SLC24A2: variants seen among roughly 807,000 people sequenced by gnomAD.
SLC24A2 encodes the protein solute carrier family 24 member 2, also known as sodium/potassium/calcium exchanger 2.
A neutral mutation model predicts 62.0 loss-of-function variants in SLC24A2; 36 were observed. The observed-to-expected ratio is 0.58, with a 90% confidence interval of 0.44 to 0.77. The LOEUF is 0.77. SLC24A2 is among the 30% of genes least tolerant of loss of function. The probability of loss-of-function intolerance (pLI) is 0.00; values close to 1 mark genes in which losing one functional copy is unlikely to be tolerated. For synonymous variants in SLC24A2, 358 were observed against 294.0 expected (o/e 1.22, Z -2.23); for missense variants, 846 against 817.9 (o/e 1.03, Z -0.42).
the SLC24A2 span, among the ~76,000 whole-genome samples, chr9:20,293,239 AC>A: frequency 6.5e-4 from 99 of 152,242 alleles, no homozygotes; most frequent in Non-Finnish European, 8.7e-4. Flanking sequence ...TAGGACTTCA[AC>A]ATATCTTTTT....
chr9:20,159,662 G>A, the SLC24A2 span, among the ~76,000 whole-genome samples: 2 of 151,386 alleles, frequency 1.3e-5, no homozygotes, highest in African/African-American at 4.8e-5. Context: ...TCCTTGTATA[G>A]GGAATAGGTG....
the SLC24A2 span, among the ~76,000 whole-genome samples, chr9:20,068,766 C>A: frequency 6.6e-6 from 1 of 152,114 alleles, no homozygotes; most frequent in African/African-American, 2.4e-5. Flanking sequence ...AAGGAGGTAG[C>A]AATGGCCATG....
chr9:19,547,234 AG>A (rs1422321794), intron 8 of SLC24A2, among the ~76,000 whole-genome samples: 1 of 152,212 alleles, frequency 6.6e-6, no homozygotes, highest in African/African-American at 2.4e-5. Context: ...CAGAGTACTC[AG>A]AAAAACAAAA....
At chr9:19,921,039 T>C in the SLC24A2 span, among the ~76,000 whole-genome samples, 2 of 144,184 alleles carry the variant, frequency 1.4e-5, no homozygotes, top group Admixed American at 7.0e-5. Context: ...TTTAGAATAA[T>C]GTTGACTCAT....
the SLC24A2 span, among the ~76,000 whole-genome samples, chr9:20,212,674 A>G: frequency 5.9e-5 from 9 of 151,396 alleles, no homozygotes; most frequent in South Asian, 2.1e-4. Flanking sequence ...AAAGATAACA[A>G]TAAGTATGAG....
chr9:19,810,500 C>T, the SLC24A2 span, among the ~76,000 whole-genome samples: 2 of 152,162 alleles, frequency 1.3e-5, no homozygotes, highest in Non-Finnish European at 2.9e-5. Context: ...AACTGATCGG[C>T]TCTAATGGTC....
At chr9:20,260,845 CTTTCTTTTTTTTTT>C in the SLC24A2 span, among the ~76,000 whole-genome samples, 1 of 110,516 alleles carries the variant, frequency 9.0e-6, no homozygotes, top group Non-Finnish European at 1.7e-5. Context: ...ACGTATCATT[CTTTCTTTTTTTTTT>C]TTTTTTTTTT....
chr9:19,830,519 G>A, the SLC24A2 span, among the ~76,000 whole-genome samples: 10 of 152,086 alleles, frequency 6.6e-5, no homozygotes, highest in African/African-American at 9.7e-5. Flanking sequence ...ACACAGCTAC[G>A]AGTTGGACCA....
At chr9:19,973,637 G>C in the SLC24A2 span, among the ~76,000 whole-genome samples, 1 of 152,102 alleles carries the variant, frequency 6.6e-6, no homozygotes, top group Non-Finnish European at 1.5e-5. Flanking sequence ...TAACTCACAG[G>C]ATTTGGGGAT....
At chr9:20,184,360 G>A in the SLC24A2 span, among the ~76,000 whole-genome samples, 1 of 152,076 alleles carries the variant, frequency 6.6e-6, no homozygotes, top group African/African-American at 2.4e-5. Flanking sequence ...GACCATCCTG[G>A]CCAACATGGT....
the SLC24A2 span, among the ~76,000 whole-genome samples, chr9:20,062,908 C>T: frequency 3.4e-5 from 4 of 118,314 alleles, no homozygotes; most frequent in Non-Finnish European, 5.0e-5. Flanking sequence ...CCATCACTGG[C>T]CATCAGAGAA....
chr9:19,569,978 C>T (rs1835790979), intron 7 of SLC24A2, among the ~76,000 whole-genome samples: 1 of 152,220 alleles, frequency 6.6e-6, no homozygotes, highest in Admixed American at 6.5e-5. Context: ...ACAGGAGCCT[C>T]TCCATTTTCC....
At chr9:20,081,959 A>G in the SLC24A2 span, among the ~76,000 whole-genome samples, 1 of 152,160 alleles carries the variant, frequency 6.6e-6, no homozygotes, top group Non-Finnish European at 1.5e-5. Context: ...GATATGTACT[A>G]CTGGGTTAAT....
At chr9:19,809,712 G>A in the SLC24A2 span, among the ~76,000 whole-genome samples, 4 of 152,014 alleles carry the variant, frequency 2.6e-5, no homozygotes, top group Non-Finnish European at 5.9e-5. Context: ...GGGGCAGCCA[G>A]CCTTCCCCTG....
the SLC24A2 span, among the ~76,000 whole-genome samples, chr9:20,084,854 G>A: frequency 6.6e-6 from 1 of 152,162 alleles, no homozygotes; most frequent in Non-Finnish European, 1.5e-5. Context: ...TTCTTTTCAG[G>A]AATCTAGTTA....
chr9:19,544,758 C>G (rs1000005781), intron 8 of SLC24A2, among the ~76,000 whole-genome samples: 1 of 152,210 alleles, frequency 6.6e-6, no homozygotes, highest in Non-Finnish European at 1.5e-5. Flanking sequence ...TTGGCCCCCA[C>G]TCTCTTCTAG....
the SLC24A2 span, among the ~76,000 whole-genome samples, chr9:20,301,306 T>C: frequency 6.6e-6 from 1 of 152,206 alleles, no homozygotes; most frequent in Non-Finnish European, 1.5e-5. Flanking sequence ...TCCATTGTTG[T>C]CTGGGGAGTA....
the SLC24A2 span, among the ~76,000 whole-genome samples, chr9:19,905,825 A>C: frequency 6.6e-6 from 1 of 152,202 alleles, no homozygotes; most frequent in East Asian, 1.9e-4. Flanking sequence ...AAAGAACATA[A>C]TTTGTATTAA....
At chr9:20,193,827 G>C in the SLC24A2 span, among the ~76,000 whole-genome samples, 62 of 152,106 alleles carry the variant, frequency 4.1e-4, no homozygotes, top group Middle Eastern at 3.4e-3. Context: ...GAGGGTTTTT[G>C]TTTTGTTTTG....
Sources: allele counts gnomAD v4.1 joint callset (sites outside exome capture counted in the v4.1 genomes callset), GRCh38; gene constraint gnomAD v4.1.1; transcripts MANE v1.5; gene names NCBI Gene and HGNC (gene_info 2026-07-23, HGNC 2026-07-21).